Variants in TSHZ1 observed in about 807,000 individuals in gnomAD.
TSHZ1 encodes the protein teashirt zinc finger homeobox 1, also known as teashirt homolog 1.
A neutral mutation model predicts 67.1 loss-of-function variants in TSHZ1; 12 were observed. The ratio of observed to expected loss-of-function variants is 0.18; its 90% CI spans 0.11 to 0.29. The LOEUF (loss-of-function observed/expected upper bound fraction) is 0.29, where lower values mean the gene tolerates loss of function less well. Among genes scored for constraint, TSHZ1 ranks in the 10% least tolerant of loss-of-function variants. The pLI, the probability that TSHZ1 is intolerant of heterozygous loss-of-function variation, is 1.00. For missense variants in TSHZ1, 1,305 were observed against 1,413.9 expected, an observed-to-expected ratio of 0.92 and a Z score of 1.23; for synonymous variants, 632 against 622.4, an observed-to-expected ratio of 1.02 and a Z score of -0.23.
intron 1 of TSHZ1, 51 bp from the exon 2 acceptor site, chr18:75,285,397 T>C: frequency 7.0e-7 from 1 of 1,418,644 alleles, no homozygotes; most frequent in Non-Finnish European, 9.2e-7. Flanking sequence ...GGAGGCTGTC[T>C]CTTTGAAGAT....
intron 1 of TSHZ1, among the ~76,000 whole-genome samples, chr18:75,236,309 G>A (rs9966671): frequency 0.013 from 2,027 of 152,154 alleles, 47 homozygotes; most frequent in African/African-American, 0.044. Context: ...ATTCTAACAG[G>A]TTCCCCTTTC....
At chr18:75,258,695 C>G (rs1021733835) in intron 1 of TSHZ1, among the ~76,000 whole-genome samples, 4 of 152,084 alleles carry the variant, frequency 2.6e-5, no homozygotes, top group African/African-American at 9.7e-5. Flanking sequence ...TAAAAGGATG[C>G]TACAGAACTG....
In TSHZ1 at chr18:75,286,808, C is replaced by T. The variant is rs768563723; in HGVS notation, c.1401C>T (p.Ser467=). 3 of 1,613,856 alleles carry T rather than the reference C, an allele frequency of 1.9e-6. No homozygotes were observed. The highest frequency in any genetic ancestry group is 1.3e-5 in the African/African-American group (1 of 75,048). Residue 467 remains serine, a synonymous_variant, in exon 2 of 2, where the codon TCC becomes TCT. Coordinates refer to ENST00000580243, the MANE Select transcript of TSHZ1 (RefSeq NM_001308210.2). This position sits in a 1 kb window ranked among gnomAD's most constrained non-coding sequence, Gnocchi z 5.1. ...LDPVVEEKIQ[S]IPLPPTTHTR... ...CTGTGGTGGAAGAGAAGATCCAGTC[C>T]ATCCCACTACCGCCCACCACCCACA...
intron 1 of TSHZ1, among the ~76,000 whole-genome samples, chr18:75,232,017 C>T (rs1324674187): frequency 6.6e-6 from 1 of 152,162 alleles, no homozygotes; most frequent in Non-Finnish European, 1.5e-5. Flanking sequence ...GCTAGGATTA[C>T]AAGCGATTTT....
chr18:75,212,463 T>TC, intron 1 of TSHZ1, among the ~76,000 whole-genome samples: 1 of 152,176 alleles, frequency 6.6e-6, no homozygotes, highest in South Asian at 2.1e-4. Flanking sequence ...CACAAGGCAG[T>TC]GATAGTGCAG....
In TSHZ1 at chr18:75,285,735, C is replaced by G; in HGVS notation, c.328C>G (p.Gln110Glu). ...PQCPDSVSYP[Q>E]DSLAQIKAVY... ...GTGTCCCGACAGCGTCTCGTACCCC[C>G]AGGACAGCCTGGCACAGATCAAAGC... is the stretch of plus-strand genomic sequence containing the variant. Residue 110 changes from glutamine (Q) to glutamate (E), a missense_variant, in exon 2 of 2, where the codon CAG (glutamine) becomes GAG (glutamate). This residue lies in a region of TSHZ1 where 358 missense variants were observed against 375.6 expected (regional missense o/e 0.95). Transcript: ENST00000580243. 2 of 1,614,142 alleles carry G rather than the reference C, an allele frequency of 1.2e-6. No homozygotes were observed. Among genetic ancestry groups the G allele is most frequent in the South Asian group, 2.2e-5 (2 of 91,084 alleles).
In TSHZ1 at chr18:75,281,576, G is replaced by T. The variant is rs1195846418; in HGVS notation, c.41-3872G>T. On this transcript the variant is annotated intron_variant, in intron 1 of 1. Transcript: ENST00000580243. This position sits in a 1 kb window ranked among gnomAD's most constrained non-coding sequence, Gnocchi z 5.3. The stretch of plus-strand genomic sequence containing the variant: ...GCCTGTGTCTGGCAGGTGTGCAGGG[G>T]TGCTCATGGCTGTGGTCGGCACAGG... Among the ~76,000 whole-genome samples the T allele has an allele frequency of 6.6e-6, 1 of 152,162 alleles. No individual in the cohort carries two copies. Among genetic ancestry groups the T allele is most frequent in the Non-Finnish European group, 1.5e-5 (1 of 68,026 alleles).
chr18:75,267,640 G>A (rs766786031), intron 1 of TSHZ1, among the ~76,000 whole-genome samples: 1 of 152,190 alleles, frequency 6.6e-6, no homozygotes, highest in East Asian at 1.9e-4. Context: ...AATGATAGCC[G>A]TTTCTCACAG....
intron 1 of TSHZ1, among the ~76,000 whole-genome samples, chr18:75,259,262 C>T (rs1361530942): frequency 2.6e-5 from 4 of 152,150 alleles, no homozygotes; most frequent in African/African-American, 4.8e-5. Context: ...AAGGTGTGGC[C>T]GGCCCATGTG....
At chr18:75,262,391 T>C (rs768633198) in intron 1 of TSHZ1, among the ~76,000 whole-genome samples, 11 of 152,236 alleles carry the variant, frequency 7.2e-5, no homozygotes, top group South Asian at 4.1e-4. Context: ...TTTTTTCTTT[T>C]ATTTATTCAA....
At chr18:75,222,568 T>G (rs367680526) in intron 1 of TSHZ1, among the ~76,000 whole-genome samples, 51 of 152,188 alleles carry the variant, frequency 3.4e-4, no homozygotes, top group Admixed American at 9.2e-4. Flanking sequence ...CTCCAGGAGC[T>G]CAGGTTCAAT....
At chr18:75,270,471 T>A (rs1228449977) in intron 1 of TSHZ1, among the ~76,000 whole-genome samples, 2 of 152,232 alleles carry the variant, frequency 1.3e-5, no homozygotes, top group African/African-American at 4.8e-5. Flanking sequence ...CAAGAACAAA[T>A]AATTTTTTTC....
At chr18:75,215,193 C>A (rs1374881275) in intron 1 of TSHZ1, among the ~76,000 whole-genome samples, 1 of 152,164 alleles carries the variant, frequency 6.6e-6, no homozygotes, top group Non-Finnish European at 1.5e-5. Context: ...AAGGGAGGGA[C>A]AGGCCTGAAA....
At chr18:75,259,255 G>A (rs1599044766) in intron 1 of TSHZ1, among the ~76,000 whole-genome samples, 1 of 152,174 alleles carries the variant, frequency 6.6e-6, no homozygotes, top group East Asian at 1.9e-4. Flanking sequence ...ACTCTCCAAG[G>A]TGTGGCCGGC....
Position 75,231,963 on chromosome 18 carries a change from C to T in TSHZ1, c.40+20047C>T, listed in dbSNP as rs56776354. 6.6e-5 allele frequency among the ~76,000 whole-genome samples: 10 copies of T among 152,130 alleles called. 1 individual carries two copies. In the East Asian group the frequency reaches 1.9e-3, roughly 29 times the overall value. On this transcript the variant is annotated intron_variant, in intron 1 of 1. Coordinates refer to ENST00000580243, the MANE Select transcript of TSHZ1 (RefSeq NM_001308210.2). ...TCGCTTTGTCACCCAGGCTGGGGTT[C>T]AGTGGTGTGAACTCAGCTCACTGCA...
chr18:75,245,939 G>T (rs1165986985), intron 1 of TSHZ1, among the ~76,000 whole-genome samples: 1 of 152,154 alleles, frequency 6.6e-6, no homozygotes, highest in African/African-American at 2.4e-5. Context: ...TTAAATCTTG[G>T]TTAGCACTTG....
intron 1 of TSHZ1, among the ~76,000 whole-genome samples, chr18:75,252,422 G>A (rs2023316437): frequency 6.6e-6 from 1 of 152,158 alleles, no homozygotes; most frequent in African/African-American, 2.4e-5. Flanking sequence ...ATTTCTCTGG[G>A]TTATGGCATT....
chr18:75,249,253 G>A (rs1252691002), intron 1 of TSHZ1, among the ~76,000 whole-genome samples: 1 of 152,168 alleles, frequency 6.6e-6, no homozygotes, highest in Non-Finnish European at 1.5e-5. Context: ...AGACCCCGGA[G>A]CCACACGGGT....
intron 1 of TSHZ1, among the ~76,000 whole-genome samples, chr18:75,215,217 A>C (rs1167560094): frequency 6.6e-6 from 1 of 152,214 alleles, no homozygotes; most frequent in Non-Finnish European, 1.5e-5. Flanking sequence ...AAAGTTATTA[A>C]AAATCAGTCT....
Sources: gnomAD v4.1 joint callset for allele counts (sites outside exome capture counted in the v4.1 genomes callset) on GRCh38, gnomAD v4.1.1 for gene constraint, gnomAD v4.1.1 regional missense constraint, Gnocchi (gnomAD v3.1) non-coding constraint, MANE v1.5 for transcripts, NCBI Gene and HGNC (gene_info 2026-07-23, HGNC 2026-07-21) for gene names.